Variants in MAST2 observed in about 807,000 individuals in gnomAD.
MAST2 encodes the protein microtubule-associated serine/threonine-protein kinase 2.
A neutral mutation model predicts 147.4 loss-of-function variants in MAST2; 70 were observed. The observed-to-expected ratio is 0.47, with a 90% CI of 0.39 to 0.58. MAST2 has a LOEUF of 0.58. Among genes scored for constraint, MAST2 ranks in the 20% least tolerant of loss-of-function variants. The probability of loss-of-function intolerance (pLI) is 0.00; values close to 1 mark genes in which losing one functional copy is unlikely to be tolerated. For missense variants in MAST2, 2,080 were observed against 2,302.3 expected, an observed-to-expected ratio of 0.90 and a Z score of 1.98; for synonymous variants, 869 against 896.8, an observed-to-expected ratio of 0.97 and a Z score of 0.55.
At chr1:46,022,802 C>A in intron 12 of MAST2, 108 bp from the exon 13 acceptor site, 1 of 827,176 alleles carries the variant, frequency 1.2e-6, no homozygotes, top group South Asian at 1.4e-5. Context: ...TAGGCTGATG[C>A]AAAAAGCATT....
chr1:46,024,150 G>A (rs1473462396), intron 15 of MAST2, 170 bp downstream of exon 15: 3 of 639,190 alleles, frequency 4.7e-6, no homozygotes, highest in Non-Finnish European at 8.3e-6. Flanking sequence ...GGCCACAGTG[G>A]GCACAAAGCT....
intron 4 of MAST2, among the ~76,000 whole-genome samples, chr1:45,903,560 C>T (rs1650167822): frequency 6.6e-6 from 1 of 152,152 alleles, no homozygotes; most frequent in African/African-American, 2.4e-5. Context: ...ACTGTAAAGT[C>T]ATTCGGGAGC....
At chr1:45,933,585 C>CAAAA (rs11312369) in intron 4 of MAST2, among the ~76,000 whole-genome samples, 2 of 102,250 alleles carry the variant, frequency 2.0e-5, no homozygotes, top group African/African-American at 7.5e-5. Context: ...ACTAAAAATG[C>CAAAA]AAAAAAAAAA....
chr1:45,836,575 TAAAG>T (rs1402156425), intron 3 of MAST2, among the ~76,000 whole-genome samples: 3 of 152,194 alleles, frequency 2.0e-5, no homozygotes, highest in Non-Finnish European at 4.4e-5. Context: ...TTCAGTATTA[TAAAG>T]AGATTCCAAA....
Position 45,902,591 on chromosome 1 carries a change from G to A in MAST2, c.500+20196G>A, listed in dbSNP as rs188380479. Among the ~76,000 whole-genome samples, 78 of 151,456 alleles carry A rather than the reference G, an allele frequency of 5.2e-4. 2 individuals carry two copies. Among genetic ancestry groups the A allele is most frequent in the African/African-American group, 1.8e-3 (75 of 41,338 alleles). ...TTTGTACATCTGGTAGAACTTGGCT[G>A]TGAATCCTTCTGGTCCTGGGCTTTT... On this transcript the variant is annotated intron_variant, in intron 4 of 28. Coordinates refer to ENST00000361297, the MANE Select transcript of MAST2 (RefSeq NM_015112.3).
At chr1:46,026,415 C>A (rs1299967117) in intron 16 of MAST2, among the ~76,000 whole-genome samples, 2 of 152,120 alleles carry the variant, frequency 1.3e-5, no homozygotes, top group East Asian at 3.9e-4. Context: ...GAGAGAGAGG[C>A]AGGAACTAGT....
At position 45,820,909 on chromosome 1, in the gene MAST2, T is replaced by TTC. The variant is rs1439979579; in HGVS notation, c.178-3523_178-3522insCT. Among the ~76,000 whole-genome samples the TTC allele has an allele frequency of 4.5e-4, 64 of 141,578 alleles. No individual in the cohort carries two copies. In the East Asian group the frequency reaches 0.011, roughly 25 times the overall value. 92.9% of individuals were successfully genotyped at this position (141,578 alleles called of 152,430 possible). On this transcript the variant is annotated intron_variant, in intron 1 of 28. Transcript: ENST00000361297. Reference sequence around the variant, plus strand: ...TTTCTTTCTCTTTTTTTTTTTTTTTTTTTTTTTTGAGTCAGAGTCTTGCTC... The same window carrying TTC: ...TTTCTTTCTCTTTTTTTTTTTTTTTTTCTTTTTTTTGAGTCAGAGTCTTGCTC...
chr1:45,827,204 C>T (rs1168020369), intron 2 of MAST2, among the ~76,000 whole-genome samples: 1 of 152,162 alleles, frequency 6.6e-6, no homozygotes, highest in Non-Finnish European at 1.5e-5. Flanking sequence ...GGTCTGCCAT[C>T]TTTAACTGAG....
At chr1:45,840,664 A>G (rs1334064124) in intron 3 of MAST2, among the ~76,000 whole-genome samples, 4 of 152,344 alleles carry the variant, frequency 2.6e-5, no homozygotes, top group African/African-American at 7.2e-5. Context: ...ACCTCCCTAC[A>G]TAGTGAACTA....
chr1:45,816,695 T>G (rs567229144), intron 1 of MAST2, among the ~76,000 whole-genome samples: 2 of 152,162 alleles, frequency 1.3e-5, no homozygotes, highest in Non-Finnish European at 2.9e-5. Context: ...TTTATTTATT[T>G]TTTGAGATGG....
At chr1:45,807,380 A>G (rs1474261283) in intron 1 of MAST2, among the ~76,000 whole-genome samples, 1 of 152,118 alleles carries the variant, frequency 6.6e-6, no homozygotes, top group Non-Finnish European at 1.5e-5. Flanking sequence ...AGGATGTAGA[A>G]CAAGGGTCTG....
chr1:45,818,636 G>A (rs1255314435), intron 1 of MAST2, among the ~76,000 whole-genome samples: 3 of 152,180 alleles, frequency 2.0e-5, no homozygotes, highest in Non-Finnish European at 2.9e-5. Context: ...AGAGATGATT[G>A]CTCACAATTG....
At chr1:45,907,782 C>T (rs1173922908) in intron 4 of MAST2, among the ~76,000 whole-genome samples, 4 of 152,132 alleles carry the variant, frequency 2.6e-5, no homozygotes, top group Admixed American at 2.6e-4. Context: ...ATGCATTTGC[C>T]TCTTCTAAAT....
chr1:46,010,459 G>C (rs988916642), intron 9 of MAST2, among the ~76,000 whole-genome samples: 1 of 152,180 alleles, frequency 6.6e-6, no homozygotes, highest in Non-Finnish European at 1.5e-5. Context: ...CTGTGTGTCC[G>C]TACAGCAAAA....
chr1:45,879,255 C>G (rs561778328), intron 3 of MAST2, among the ~76,000 whole-genome samples: 1 of 152,044 alleles, frequency 6.6e-6, no homozygotes, highest in East Asian at 1.9e-4. Flanking sequence ...CACATACTAC[C>G]TCAAAATTAA....
At chr1:45,842,381 T>G (rs1367309842) in intron 3 of MAST2, among the ~76,000 whole-genome samples, 1 of 152,228 alleles carries the variant, frequency 6.6e-6, no homozygotes, top group African/African-American at 2.4e-5. Flanking sequence ...CTGGCAGATT[T>G]GTTTTTCACA....
At position 46,035,273 on chromosome 1, in the gene MAST2, C is replaced by T. The variant is rs1383080019; in HGVS notation, c.4604C>T (p.Pro1535Leu). The change falls in exon 29 of 29, where the codon CCT becomes CTT. Residue 1535 changes from proline (P) to leucine (L), a missense_variant. Around this residue, in one of 4 missense-constraint regions of MAST2, gnomAD observed 1,278 missense variants for 1,304.2 expected, o/e 0.98. Coordinates refer to ENST00000361297, the MANE Select transcript of MAST2 (RefSeq NM_015112.3). The surrounding 1 kb of genome is among the most constrained non-coding windows in gnomAD (Gnocchi z 5.5). ...PHPEVSQSVAPKGAGESGEED... is the reference protein window; with the variant it reads ...PHPEVSQSVALKGAGESGEED... ...CCAGAAGTGAGCCAGAGTGTGGCCC[C>T]TAAAGGAGCAGGAGAGAGTGGGGAA... 6 of 1,613,942 alleles carry T rather than the reference C, an allele frequency of 3.7e-6. No homozygotes were observed. The highest frequency in any genetic ancestry group is 5.1e-6 in the Non-Finnish European group (6 of 1,179,988).
chr1:46,023,843 T>G lies in MAST2; in HGVS notation c.1643T>G (p.Leu548Arg). The change falls in exon 15 of 29, where the codon CTG (leucine) becomes CGG (arginine). Residue 548 changes from leucine (L) to arginine (R), a missense_variant. Leu to Arg is a moderately radical substitution (Grantham distance 102). Around this residue, in one of 4 missense-constraint regions of MAST2, gnomAD observed 569 missense variants for 642.5 expected, o/e 0.89. Coordinates refer to ENST00000361297, the MANE Select transcript of MAST2 (RefSeq NM_015112.3). The surrounding 1 kb of genome is among the most constrained non-coding windows in gnomAD (Gnocchi z 4.9). The part of the protein sequence containing the change: ...FAMKKINKQN[L>R]ILRNQIQQAF... Reference sequence around the variant, plus strand: ...ATGAAGAAGATCAACAAGCAGAACCTGATCCTACGGAACCAGATCCAGCAG... The same window carrying G: ...ATGAAGAAGATCAACAAGCAGAACCGGATCCTACGGAACCAGATCCAGCAG... 1 of 1,614,114 alleles carries G rather than the reference T, an allele frequency of 6.2e-7. No individual in the cohort carries two copies. The highest frequency in any genetic ancestry group is 2.2e-5 in the East Asian group (1 of 44,870).
intron 5 of MAST2, among the ~76,000 whole-genome samples, chr1:45,986,160 TAA>T: frequency 6.6e-6 from 1 of 152,374 alleles, no homozygotes; most frequent in South Asian, 2.1e-4. Context: ...GTGTTAGCTC[TAA>T]GTTTGTCATA....
Sources: allele counts gnomAD v4.1 joint callset (sites outside exome capture counted in the v4.1 genomes callset), GRCh38; gene constraint gnomAD v4.1.1; regional missense constraint gnomAD v4.1.1; non-coding constraint Gnocchi (gnomAD v3.1); transcripts MANE v1.5; gene names NCBI Gene and HGNC (gene_info 2026-07-23, HGNC 2026-07-21).